The following PTPRD variants were observed in gnomAD, a reference collection of about 807,000 sequenced individuals.
The protein encoded by PTPRD is protein tyrosine phosphatase receptor type D, also known as receptor-type tyrosine-protein phosphatase delta.
In PTPRD, 34 loss-of-function variants were observed where a neutral mutation model predicts 214.5. The ratio of observed to expected loss-of-function variants is 0.16; its 90% CI spans 0.12 to 0.21. The LOEUF (loss-of-function observed/expected upper bound fraction) is 0.21, where lower values mean the gene tolerates loss of function less well. Among genes scored for constraint, PTPRD ranks in the 10% least tolerant of loss-of-function variants. The pLI is 1.00. For missense variants in PTPRD, 2,545 were observed against 2,398.7 expected (o/e 1.06, Z -1.27); for synonymous variants, 1,128 against 845.7 (o/e 1.33, Z -5.79).
chr9:9,055,691 T>C (rs530477007), intron 10 of PTPRD, among the ~76,000 whole-genome samples: 1 of 151,814 alleles, frequency 6.6e-6, no homozygotes, highest in South Asian at 2.1e-4. Flanking sequence ...ATGTGAGAAA[T>C]TTGTGCATAT....
chr9:8,641,849 T>G (rs1172908680), intron 12 of PTPRD, among the ~76,000 whole-genome samples: 1 of 152,208 alleles, frequency 6.6e-6, no homozygotes, highest in African/African-American at 2.4e-5. Flanking sequence ...GGTCTAATAT[T>G]TGGATGCCAT....
chr9:10,009,381 G>A (rs912467934), intron 4 of PTPRD, among the ~76,000 whole-genome samples: 1 of 151,956 alleles, frequency 6.6e-6, no homozygotes, highest in Admixed American at 6.6e-5. Context: ...TACCTGTAGG[G>A]TGTGCACGGG....
At chr9:10,298,639 C>T (rs1462258551) in intron 3 of PTPRD, among the ~76,000 whole-genome samples, 2 of 151,854 alleles carry the variant, frequency 1.3e-5, no homozygotes, top group East Asian at 1.9e-4. Context: ...ACCCATTTCC[C>T]ATGATTGTGA....
intron 4 of PTPRD, among the ~76,000 whole-genome samples, chr9:9,974,954 AG>A (rs1171511032): frequency 1.1e-4 from 17 of 152,328 alleles, no homozygotes; most frequent in Admixed American, 3.3e-4. Flanking sequence ...GGTAGAGAGA[AG>A]GAAAACTGGC....
intron 5 of PTPRD, among the ~76,000 whole-genome samples, chr9:9,845,081 T>C (rs1260493060): frequency 7.9e-6 from 1 of 126,324 alleles, no homozygotes; most frequent in Non-Finnish European, 1.6e-5. Flanking sequence ...TATATTGCTC[T>C]ATATATATAG....
At chr9:8,374,941 T>G (rs1290817434) in intron 39 of PTPRD, among the ~76,000 whole-genome samples, 1 of 151,876 alleles carries the variant, frequency 6.6e-6, no homozygotes, top group Non-Finnish European at 1.5e-5. Context: ...TACTGTATTA[T>G]ATTTATATTA....
chr9:10,595,887 T>C (rs2076524220), intron 2 of PTPRD, among the ~76,000 whole-genome samples: 1 of 151,796 alleles, frequency 6.6e-6, no homozygotes, highest in Middle Eastern at 3.2e-3. Context: ...AATAAGATTG[T>C]CAAGTGTATA....
intron 7 of PTPRD, among the ~76,000 whole-genome samples, chr9:9,619,414 A>G (rs2095098283): frequency 6.6e-6 from 1 of 151,196 alleles, no homozygotes; most frequent in Admixed American, 6.6e-5. Context: ...TCCAACCTAA[A>G]TTATGAAAAA....
At chr9:10,451,537 G>A (rs2098841651) in intron 2 of PTPRD, among the ~76,000 whole-genome samples, 1 of 151,484 alleles carries the variant, frequency 6.6e-6, no homozygotes, top group Non-Finnish European at 1.5e-5. Context: ...TCTTCAGACT[G>A]TTCATTATCT....
In PTPRD at chr9:9,413,100, C is replaced by CTTTTTTTTTTTTTTTTTTT. The variant is rs5896325; in HGVS notation, c.-236-15637_-236-15619dup. 6.0e-4 allele frequency among the ~76,000 whole-genome samples: 38 copies of CTTTTTTTTTTTTTTTTTTT among 63,022 alleles called. 5 individuals carry two copies. Among genetic ancestry groups the CTTTTTTTTTTTTTTTTTTT allele is most frequent in the Admixed American group, 1.5e-3 (5 of 3,336 alleles). 41.3% of individuals were successfully genotyped at this position (63,022 alleles called of 152,430 possible). On this transcript the variant is annotated intron_variant, in intron 8 of 45. Coordinates refer to ENST00000381196, the MANE Select transcript of PTPRD (RefSeq NM_002839.4). ...CAAGTTATAAAATATCTTGCAGCTT[C>CTTTTTTTTTTTTTTTTTTT]TTTTTTTTTTTTTTTTTTTTTTTTT... is the stretch of plus-strand genomic sequence containing the variant.
chr9:9,241,428 T>G (rs918236765), intron 9 of PTPRD, among the ~76,000 whole-genome samples: 9 of 152,236 alleles, frequency 5.9e-5, no homozygotes, highest in South Asian at 2.1e-4. Context: ...GAAACACTTC[T>G]TAACTTACAA....
In PTPRD at chr9:8,961,543, C is replaced by T. The variant is rs1464886624; in HGVS notation, c.-104+57154G>A. ...GTGAGCATGCCCTGTGCTCTGACTTCCACCAGGCACATGTTTTACATTCAT... is the reference window on the plus strand; with the variant it reads ...GTGAGCATGCCCTGTGCTCTGACTTTCACCAGGCACATGTTTTACATTCAT... On this transcript the variant is annotated intron_variant, in intron 11 of 45. Coordinates refer to ENST00000381196, the MANE Select transcript of PTPRD (RefSeq NM_002839.4). Among the ~76,000 whole-genome samples, 4 of 152,104 alleles carry T rather than the reference C, an allele frequency of 2.6e-5. No homozygotes were observed. The East Asian group carries it at 5.8e-4, about 22-fold the overall frequency.
At position 8,404,521 on chromosome 9, in the gene PTPRD, G is replaced by C; in HGVS notation, c.4210+16C>G. ...CCATGAAAATAAAGGTATCAGTGAT[G>C]TCTGCATTTCCTTACCTTCTATAGC... is the stretch of plus-strand genomic sequence containing the variant. On this transcript the variant is annotated intron_variant, in intron 36 of 45. Coordinates refer to ENST00000381196, the MANE Select transcript of PTPRD (RefSeq NM_002839.4). 1 of 1,602,706 alleles carries C rather than the reference G, an allele frequency of 6.2e-7. No individual in the cohort carries two copies. Among genetic ancestry groups the C allele is most frequent in the Non-Finnish European group, 8.5e-7 (1 of 1,171,408 alleles).
At chr9:8,782,754 C>G (rs948283416) in intron 11 of PTPRD, among the ~76,000 whole-genome samples, 6 of 151,996 alleles carry the variant, frequency 3.9e-5, no homozygotes, top group Non-Finnish European at 7.4e-5. Context: ...CACACCACCA[C>G]CTGACTAATT....
At chr9:9,194,105 A>G (rs982944101) in intron 9 of PTPRD, among the ~76,000 whole-genome samples, 1 of 151,994 alleles carries the variant, frequency 6.6e-6, no homozygotes. Context: ...CACACATATT[A>G]GCCTAGGTCT....
chr9:8,841,567 T>C (rs2097558408), intron 11 of PTPRD, among the ~76,000 whole-genome samples: 1 of 152,192 alleles, frequency 6.6e-6, no homozygotes, highest in African/African-American at 2.4e-5. Context: ...AGAGATCTTT[T>C]GTTAAAGCTA....
chr9:9,972,785 C>G (rs1670822349), intron 4 of PTPRD, among the ~76,000 whole-genome samples: 7 of 152,092 alleles, frequency 4.6e-5, no homozygotes, highest in Admixed American at 4.6e-4. Flanking sequence ...GGCATCATTA[C>G]TAGCTTTTGC....
chr9:9,453,912 T>C (rs1386524088), intron 8 of PTPRD, among the ~76,000 whole-genome samples: 3 of 151,746 alleles, frequency 2.0e-5, no homozygotes, highest in Non-Finnish European at 3.0e-5. Context: ...TGTGTTAGTA[T>C]ATTACTCTAC....
chr9:9,291,888 G>GTA (rs141504829), intron 9 of PTPRD, among the ~76,000 whole-genome samples: 20,438 of 143,186 alleles, frequency 0.14, 1,647 homozygotes, highest in Middle Eastern at 0.19. Flanking sequence ...TGTGTGTATG[G>GTA]TATATATATA....
Sources: gnomAD v4.1 joint callset for allele counts (sites outside exome capture counted in the v4.1 genomes callset) on GRCh38, gnomAD v4.1.1 for gene constraint, MANE v1.5 for transcripts, NCBI Gene and HGNC (gene_info 2026-07-23, HGNC 2026-07-21) for gene names.